Variants in IRAG2 observed in about 807,000 individuals in gnomAD.
IRAG2 encodes lymphoid restricted membrane protein.
In IRAG2, 45 loss-of-function variants were observed where a neutral mutation model predicts 69.9. The observed-to-expected ratio is 0.64, with a 90% confidence interval of 0.51 to 0.83. IRAG2 has a LOEUF of 0.83. IRAG2 is among the 40% of genes least tolerant of loss of function. The pLI is 0.00. For missense variants in IRAG2, 520 were observed against 587.0 expected (o/e 0.89, Z 1.18); for synonymous variants, 193 against 202.4 (o/e 0.95, Z 0.40).
chr12:25,031,503 G>A (rs1944667287), intron 10 of IRAG2, among the ~76,000 whole-genome samples: 1 of 152,194 alleles, frequency 6.6e-6, no homozygotes, highest in Admixed American at 6.5e-5. Context: ...TCACTTGCAA[G>A]ACTGATTTTT....
chr12:25,038,505 T>C (rs1944721655), intron 16 of IRAG2, among the ~76,000 whole-genome samples: 1 of 152,062 alleles, frequency 6.6e-6, no homozygotes, highest in Admixed American at 6.6e-5. Context: ...TAGCTGGGTG[T>C]GGTGGTAATG....
intron 17 of IRAG2, chr12:25,102,462 T>C (rs142211987): frequency 2.8e-4 from 148 of 521,574 alleles, no homozygotes; most frequent in African/African-American, 2.5e-3. Context: ...CAATGGTTTC[T>C]CTCTGTTGTG....
At chr12:25,069,543 C>A in intron 6 of IRAG2, 112 bp downstream of exon 6, 1 of 945,536 alleles carries the variant, frequency 1.1e-6, no homozygotes, top group South Asian at 1.6e-5. Flanking sequence ...TATGGATATT[C>A]TTGTAGCAAG....
chr12:25,056,312 G>A lies in IRAG2; in HGVS notation c.-447+3356G>A, dbSNP rs148001188. 3.6e-3 allele frequency among the ~76,000 whole-genome samples: 549 copies of A among 152,214 alleles called. 5 individuals are homozygous for A. Among genetic ancestry groups the A allele is most frequent in the African/African-American group, 0.012 (518 of 41,536 alleles). On this transcript the variant is annotated intron_variant, in intron 1 of 21. Coordinates refer to ENST00000556887, the MANE Select transcript of IRAG2 (RefSeq NM_001366544.2). ...TAAAGATAGAAGGTTTTGGGGTGAC[G>A]GCCAAGGAGAAAACCAAAGCCAAAT...
At position 25,077,148 on chromosome 12, in the gene IRAG2, C is replaced by T. The variant is rs116677186; in HGVS notation, c.25-2096C>T. 9.2e-3 allele frequency among the ~76,000 whole-genome samples: 1,020 copies of T among 110,766 alleles called. 24 individuals carry two copies. The highest frequency in any genetic ancestry group is 0.024 in the African/African-American group (727 of 30,472). The allele number at this position is 110,766 out of a possible 152,430, so 72.7% of individuals were successfully genotyped here. A position where few individuals can be genotyped will look rare whatever the true frequency, so the allele number is the denominator to read the frequency against. On this transcript the variant is annotated intron_variant, in intron 6 of 21. Coordinates refer to ENST00000556887, the MANE Select transcript of IRAG2 (RefSeq NM_001366544.2). Reference sequence around the variant, plus strand: ...CCTTCCAAAGTGTTGAGATTGCAGGCGTGTGCCACCGTGCCTTGTTCATTT... The same window carrying T: ...CCTTCCAAAGTGTTGAGATTGCAGGTGTGTGCCACCGTGCCTTGTTCATTT...
chr12:25,096,410 G>A (rs551981060), intron 14 of IRAG2, among the ~76,000 whole-genome samples: 105 of 152,178 alleles, frequency 6.9e-4, no homozygotes, highest in African/African-American at 2.4e-3. Context: ...CATCAGGAAG[G>A]GCATCATATT....
At position 25,107,932 on chromosome 12, in the gene IRAG2, C is replaced by T; in HGVS notation, c.1372C>T (p.Leu458Phe). The change falls in exon 22 of 22, where the codon CTC (leucine) becomes TTC (phenylalanine). Residue 458 changes from leucine to phenylalanine, a missense_variant. Transcript: ENST00000556887. The stretch of plus-strand genomic sequence containing the variant: ...ACTGTTTGCAGCTTTGATGAGCTTC[C>T]TCACAGGCCAATTATTCCAGAAGTC... ...IVLFAALMSF[L>F]TGQLFQKSVD... is the part of the protein sequence containing the mutation. 1 of 1,614,168 alleles carries T rather than the reference C, an allele frequency of 6.2e-7. No individual in the cohort carries two copies. Among genetic ancestry groups the T allele is most frequent in the South Asian group, 1.1e-5 (1 of 91,082 alleles).
chr12:25,009,700 T>A (rs1944459812), intron 2 of IRAG2, among the ~76,000 whole-genome samples: 1 of 152,182 alleles, frequency 6.6e-6, no homozygotes, highest in African/African-American at 2.4e-5. Flanking sequence ...CCATTCCAAG[T>A]CCACAGGCCT....
intron 15 of IRAG2, among the ~76,000 whole-genome samples, chr12:25,037,056 T>A (rs545647904): frequency 6.6e-6 from 1 of 152,348 alleles, no homozygotes; most frequent in African/African-American, 2.4e-5. Flanking sequence ...TTCCTGAGAC[T>A]TTGACGGTTT....
chr12:25,048,139 T>C (rs1944812167), upstream of IRAG2, among the ~76,000 whole-genome samples: 1 of 152,198 alleles, frequency 6.6e-6, no homozygotes, highest in Non-Finnish European at 1.5e-5. Flanking sequence ...TTTCTGGGAT[T>C]TTTAATAATT....
chr12:25,033,042 C>T (rs1201283026), intron 12 of IRAG2, among the ~76,000 whole-genome samples: 1 of 151,672 alleles, frequency 6.6e-6, no homozygotes, highest in Non-Finnish European at 1.5e-5. Flanking sequence ...CTGCAACCTC[C>T]ACCTCCTGAG....
In IRAG2 at chr12:25,099,637, T is replaced by C. The variant is rs370372841; in HGVS notation, c.742-1541T>C. On this transcript the variant is annotated intron_variant, in intron 15 of 21. Coordinates refer to ENST00000556887, the MANE Select transcript of IRAG2 (RefSeq NM_001366544.2). The stretch of plus-strand genomic sequence containing the variant: ...GTAATCCTTTTAAAATTAGATTGTG[T>C]TACTTTTTGGTTCAGCGTCCTAAAG... 7.0e-4 allele frequency among the ~76,000 whole-genome samples: 106 copies of C among 152,250 alleles called. No individual in the cohort carries two copies. The South Asian group carries it at 0.021, about 31-fold the overall frequency.
At chr12:25,092,329 G>A (rs1349139901) in intron 14 of IRAG2, among the ~76,000 whole-genome samples, 4 of 151,708 alleles carry the variant, frequency 2.6e-5, no homozygotes, top group Admixed American at 2.6e-4. Flanking sequence ...GAACCCGGGA[G>A]GCAGAGGTTG....
rs951566694 is a variant in IRAG2, at chr12:25,069,307, A to T, written c.-58-43A>T. 6.1e-5 allele frequency: 53 copies of T among 874,094 alleles called. No homozygotes were observed. In the African/African-American group the frequency reaches 7.5e-4, roughly 12 times the overall value. The allele number at this position is 874,094 out of a possible 1,614,324, so 54.1% of individuals were successfully genotyped here. On this transcript the variant is annotated intron_variant, in intron 5 of 21. Transcript: ENST00000556887. The stretch of plus-strand genomic sequence containing the variant: ...TAGTTTAGTATCTGCTAAGATTTGC[A>T]GTTTTTTCACCTGTAGTAAATAACT...
At chr12:25,092,823 G>T in intron 14 of IRAG2, 1 of 158,654 alleles carries the variant, frequency 6.3e-6, no homozygotes. Context: ...ACTTCCGATG[G>T]AGTTGTTTTG....
At chr12:25,097,178 C>A in intron 15 of IRAG2, 134 bp downstream of exon 15, 1 of 730,016 alleles carries the variant, frequency 1.4e-6, no homozygotes. Context: ...GCGTTTAATA[C>A]ATATGTGTTT....
At chr12:25,020,659 A>C (rs2139834449) in intron 6 of IRAG2, 2 of 400,808 alleles carry the variant, frequency 5.0e-6, no homozygotes, top group South Asian at 2.8e-4. Context: ...GTATATTTTT[A>C]CTATGCGGGC....
chr12:25,004,328 G>A (rs1359769686), upstream of IRAG2: 12 of 1,230,910 alleles, frequency 9.7e-6, no homozygotes, highest in Middle Eastern at 6.2e-4. Flanking sequence ...TGTATACTAG[G>A]AGGAAAGTCA....
At chr12:25,089,112 CAT>C (rs1947849899) in intron 11 of IRAG2, among the ~76,000 whole-genome samples, 2 of 152,120 alleles carry the variant, frequency 1.3e-5, no homozygotes, top group South Asian at 4.1e-4. Context: ...GTCATAAAAT[CAT>C]ATGTGTAAAA....
Sources: gnomAD v4.1 joint callset for allele counts (sites outside exome capture counted in the v4.1 genomes callset) on GRCh38, gnomAD v4.1.1 for gene constraint, MANE v1.5 for transcripts, NCBI Gene and HGNC (gene_info 2026-07-23, HGNC 2026-07-21) for gene names.